Variants in SIPA1L1 observed in about 807,000 individuals in gnomAD.
The protein encoded by SIPA1L1 is signal-induced proliferation-associated 1-like protein 1.
Under a neutral mutation model 162.7 loss-of-function variants are expected in SIPA1L1, and 26 were observed. That is an observed-to-expected ratio of 0.16 (90% CI 0.12 to 0.22). The LOEUF (loss-of-function observed/expected upper bound fraction) is 0.22. Among genes scored for constraint, SIPA1L1 ranks in the 10% least tolerant of loss-of-function variants. SIPA1L1 has a pLI of 1.00. For missense variants in SIPA1L1, 1,874 were observed against 2,241.0 expected, an observed-to-expected ratio of 0.84 and a Z score of 3.31; for synonymous variants, 829 against 837.4, an observed-to-expected ratio of 0.99 and a Z score of 0.17.
chr14:71,328,356 G>C (rs2034078717), intron 2 of SIPA1L1, among the ~76,000 whole-genome samples: 1 of 152,174 alleles, frequency 6.6e-6, no homozygotes, highest in Non-Finnish European at 1.5e-5. Flanking sequence ...GAAGCAGTGA[G>C]TGCTTGAGTA....
intron 10 of SIPA1L1, 134 bp downstream of exon 10, chr14:71,661,601 C>G (rs879587677): frequency 1.2e-5 from 11 of 890,214 alleles, no homozygotes; most frequent in African/African-American, 3.4e-5. Context: ...ACCATGCATG[C>G]GGATGGCTGA....
At chr14:71,484,747 G>T (rs1256348490) in intron 2 of SIPA1L1, among the ~76,000 whole-genome samples, 1 of 152,186 alleles carries the variant, frequency 6.6e-6, no homozygotes, top group Non-Finnish European at 1.5e-5. Context: ...GCAGAGACTT[G>T]ACAGTAGGCT....
At chr14:71,738,893 G>A (rs1652707067) in intron 23 of SIPA1L1, 125 bp from the exon 24 acceptor site, 9 of 1,108,590 alleles carry the variant, frequency 8.1e-6, no homozygotes, top group South Asian at 1.6e-5. Context: ...GTTTAGACAG[G>A]TGTTTGGAGG....
intron 2 of SIPA1L1, among the ~76,000 whole-genome samples, chr14:71,367,607 CTTTT>C (rs773250069): frequency 2.5e-5 from 3 of 121,042 alleles, no homozygotes; most frequent in Non-Finnish European, 1.7e-5. Context: ...CGTGCCCGGC[CTTTT>C]TTTTTTTTTT....
In SIPA1L1 at chr14:71,634,191, G is replaced by A. The variant is rs543554271; in HGVS notation, c.1818+9955G>A. On this transcript the variant is annotated intron_variant, in intron 7 of 23. Coordinates refer to ENST00000381232, the MANE Select transcript of SIPA1L1 (RefSeq NM_001386936.1). ...AGAGGCAGGTGGATCACCTGAGGTT[G>A]GGAGTTTGAGACCAGACTGCCCAAC... is the stretch of plus-strand genomic sequence containing the variant. Among the ~76,000 whole-genome samples the A allele has an allele frequency of 2.0e-5, 3 of 151,870 alleles. No homozygotes were observed. The East Asian group carries it at 5.9e-4, about 30-fold the overall frequency.
chr14:71,739,205 A>G lies in SIPA1L1; in HGVS notation c.*44A>G, dbSNP rs760733944. On this transcript the variant is annotated 3_prime_UTR_variant, in exon 24 of 24. Coordinates refer to ENST00000381232, the MANE Select transcript of SIPA1L1 (RefSeq NM_001386936.1). The stretch of plus-strand genomic sequence containing the variant: ...GGAGAAGGGCCCAGACACTCCCTCC[A>G]GTGAGTGTCCTGCAGCCCTTATTCC... 6.4e-7 allele frequency: 1 copy of G among 1,567,258 alleles called. No individual in the cohort carries two copies. Among genetic ancestry groups the G allele is most frequent in the East Asian group, 2.3e-5 (1 of 44,338 alleles).
intron 2 of SIPA1L1, among the ~76,000 whole-genome samples, chr14:71,370,511 A>G (rs2038784156): frequency 6.6e-6 from 1 of 152,156 alleles, no homozygotes; most frequent in Non-Finnish European, 1.5e-5. Flanking sequence ...GCATTGCTTA[A>G]GTGTAACTCC....
intron 6 of SIPA1L1, among the ~76,000 whole-genome samples, chr14:71,622,459 A>G (rs1389640794): frequency 1.3e-5 from 2 of 152,138 alleles, no homozygotes; most frequent in African/African-American, 4.8e-5. Flanking sequence ...GCTGCTTTCT[A>G]TGGCTCAGGA....
intron 16 of SIPA1L1, among the ~76,000 whole-genome samples, chr14:71,708,015 G>GGTT (rs2082584092): frequency 1.0e-5 from 1 of 100,302 alleles, no homozygotes; most frequent in Non-Finnish European, 1.9e-5. Flanking sequence ...GTTTTTTGGT[G>GGTT]TTTTTTTTTT....
rs2043237252 is a variant in SIPA1L1, at chr14:71,658,320, T to C, written c.1994-13T>C. The C allele has an allele frequency of 7.4e-7, 1 of 1,355,610 alleles. No individual in the cohort carries two copies. The highest frequency in any genetic ancestry group is 1.1e-6 in the Non-Finnish European group (1 of 947,116). 84.0% of individuals were successfully genotyped at this position (1,355,610 alleles called of 1,614,324 possible). On this transcript the variant is annotated splice_polypyrimidine_tract_variant and intron_variant, in intron 8 of 23. Coordinates refer to ENST00000381232, the MANE Select transcript of SIPA1L1 (RefSeq NM_001386936.1). Reference sequence around the variant, plus strand: ...TTATAGTCATCTCATCATTATATTTTTTTTAACTGTAGCTGACTCCACTGG... The same window carrying C: ...TTATAGTCATCTCATCATTATATTTCTTTTAACTGTAGCTGACTCCACTGG...
At chr14:71,501,938 C>T (rs538111670) in intron 2 of SIPA1L1, among the ~76,000 whole-genome samples, 6 of 149,868 alleles carry the variant, frequency 4.0e-5, no homozygotes, top group Non-Finnish European at 5.9e-5. Context: ...CCCAACTGTT[C>T]GGGAGGCCGC....
rs140096196 is a variant in SIPA1L1 at position 71,522,944 on chromosome 14, A to G, written c.-361-6368A>G. 9.2e-5 allele frequency among the ~76,000 whole-genome samples: 14 copies of G among 152,220 alleles called. No homozygotes were observed. In the East Asian group the frequency reaches 2.7e-3, roughly 29 times the overall value. The stretch of plus-strand genomic sequence containing the variant: ...CGCCTTGGCCTCCCAAAGTGCTGCA[A>G]TTACAGGTGTGAGCCACTGCACCCG... On this transcript the variant is annotated intron_variant, in intron 3 of 23. Coordinates refer to ENST00000381232, the MANE Select transcript of SIPA1L1 (RefSeq NM_001386936.1).
chr14:71,353,515 A>T (rs566733504), intron 2 of SIPA1L1, among the ~76,000 whole-genome samples: 1 of 152,266 alleles, frequency 6.6e-6, no homozygotes, highest in East Asian at 1.9e-4. Flanking sequence ...GGACTCCTGA[A>T]GGGTTTTAAG....
intron 7 of SIPA1L1, among the ~76,000 whole-genome samples, chr14:71,637,965 A>G (rs1324484302): frequency 2.0e-5 from 3 of 152,222 alleles, no homozygotes; most frequent in African/African-American, 7.2e-5. Flanking sequence ...AATTTTGACA[A>G]GATGAAATGG....
At chr14:71,452,519 A>C (rs1351533621) in intron 2 of SIPA1L1, among the ~76,000 whole-genome samples, 1 of 152,216 alleles carries the variant, frequency 6.6e-6, no homozygotes, top group Non-Finnish European at 1.5e-5. Context: ...GCATATGTGC[A>C]CATTTCTGTT....
At chr14:71,423,569 G>C (rs975395045) in intron 2 of SIPA1L1, among the ~76,000 whole-genome samples, 1 of 152,128 alleles carries the variant, frequency 6.6e-6, no homozygotes, top group Admixed American at 6.5e-5. Context: ...TGAAAGGACT[G>C]TCCTTTCCCC....
At chr14:71,638,312 T>C (rs368707169) in intron 7 of SIPA1L1, among the ~76,000 whole-genome samples, 90 of 152,146 alleles carry the variant, frequency 5.9e-4, no homozygotes, top group Non-Finnish European at 1.0e-3. Flanking sequence ...TTAGCAAATA[T>C]AATAAAGTAG....
At chr14:71,359,436 C>T (rs924397003) in intron 2 of SIPA1L1, among the ~76,000 whole-genome samples, 2 of 152,172 alleles carry the variant, frequency 1.3e-5, no homozygotes, top group African/African-American at 4.8e-5. Flanking sequence ...TACATCTCCT[C>T]CATATAATTT....
intron 5 of SIPA1L1, among the ~76,000 whole-genome samples, chr14:71,603,835 A>G (rs1234548854): frequency 6.6e-6 from 1 of 151,052 alleles, no homozygotes; most frequent in Non-Finnish European, 1.5e-5. Flanking sequence ...GAATCACTTG[A>G]ACCTGGGAGG....
Sources: allele counts gnomAD v4.1 joint callset (sites outside exome capture counted in the v4.1 genomes callset), GRCh38; gene constraint gnomAD v4.1.1; transcripts MANE v1.5; gene names NCBI Gene and HGNC (gene_info 2026-07-23, HGNC 2026-07-21).